The following RFC4 variants were observed in gnomAD, a reference collection of about 807,000 sequenced individuals.
The protein encoded by RFC4 is A1 37 kDa subunit.
Under a neutral mutation model 47.6 loss-of-function variants are expected in RFC4, and 38 were observed. The observed-to-expected ratio is 0.80, with a 90% CI of 0.62 to 1.05. The LOEUF (loss-of-function observed/expected upper bound fraction) is 1.05, where lower values mean the gene tolerates loss of function less well. RFC4 is among the 50% of genes least tolerant of loss of function. The probability of loss-of-function intolerance (pLI) is 0.00; values close to 1 mark genes in which losing one functional copy is unlikely to be tolerated. For synonymous variants in RFC4, 164 were observed against 150.0 expected (o/e 1.09, Z -0.68); for missense variants, 489 against 434.0 (o/e 1.13, Z -1.13).
chr3:186,793,046 A>C lies in RFC4; in HGVS notation c.411-99T>G. On this transcript the variant is annotated intron_variant, in intron 5 of 10. Coordinates refer to ENST00000296273, the MANE Select transcript of RFC4 (RefSeq NM_002916.5). The surrounding 1 kb of genome is among the most constrained non-coding windows in gnomAD (Gnocchi z 4.2). ...CGTACCATACAATTCACCCATTTAA[A>C]ATGTACAATTCAGTGTTTTTCTGTA... 1 of 981,868 alleles carries C rather than the reference A, an allele frequency of 1.0e-6. No homozygotes were observed. The highest frequency in any genetic ancestry group is 2.7e-5 in the East Asian group (1 of 37,344). The allele number at this position is 981,868 out of a possible 1,614,324, so 60.8% of individuals were successfully genotyped here. A position where few individuals can be genotyped will look rare whatever the true frequency, so the allele number is the denominator to read the frequency against.
chr3:186,801,290 AT>A, intron 2 of RFC4, 95 bp from the exon 3 acceptor site: 1 of 866,828 alleles, frequency 1.2e-6, no homozygotes, highest in South Asian at 1.4e-5. Flanking sequence ...ACCAATGACC[AT>A]TCTTAAACAT....
chr3:186,790,073 A>G lies in RFC4; in HGVS notation c.997-9T>C, dbSNP rs370277400. On this transcript the variant is annotated splice_polypyrimidine_tract_variant and intron_variant, in intron 10 of 10. Coordinates refer to ENST00000296273, the MANE Select transcript of RFC4 (RefSeq NM_002916.5). ...AGGCATTTGTCAACTTCCTACGAGA[A>G]AAATTTAAGAAATTAGCATCCTTCA... The G allele has an allele frequency of 1.1e-5, 17 of 1,611,990 alleles. No homozygotes were observed. The African/African-American group carries it at 2.3e-4, about 22-fold the overall frequency.
intron 8 of RFC4, among the ~76,000 whole-genome samples, chr3:186,790,844 A>T (rs1427651844): frequency 6.6e-6 from 1 of 152,228 alleles, no homozygotes; most frequent in African/African-American, 2.4e-5. Flanking sequence ...TATCCAGAAA[A>T]TTAAAGAGGA....
In RFC4 at chr3:186,793,706, T is replaced by C. The variant is rs1722187589; in HGVS notation, c.411-759A>G. 6.6e-6 allele frequency among the ~76,000 whole-genome samples: 1 copy of C among 152,076 alleles called. No homozygotes were observed. The highest frequency in any genetic ancestry group is 2.4e-5 in the African/African-American group (1 of 41,406). On this transcript the variant is annotated intron_variant, in intron 5 of 10. Coordinates refer to ENST00000296273, the MANE Select transcript of RFC4 (RefSeq NM_002916.5). The surrounding 1 kb of genome is among the most constrained non-coding windows in gnomAD (Gnocchi z 4.2). ...ATGTGCTTATTACACATGCACGAAATGTCTATGCAGATCCTTTGCCTTTTT... is the reference window on the plus strand; with the variant it reads ...ATGTGCTTATTACACATGCACGAAACGTCTATGCAGATCCTTTGCCTTTTT...
chr3:186,794,619 T>C (rs1472289054), intron 5 of RFC4, 39 bp downstream of exon 5: 2 of 1,589,470 alleles, frequency 1.3e-6, no homozygotes, highest in East Asian at 4.5e-5. Flanking sequence ...ATATTTAAAA[T>C]AATACATGCT....
intron 8 of RFC4, 78 bp from the exon 9 acceptor site, chr3:186,790,484 C>G: frequency 2.0e-6 from 2 of 1,004,190 alleles, no homozygotes; most frequent in Admixed American, 1.7e-5. Flanking sequence ...GCCCCCGTGC[C>G]CCCAGTCATT....
At chr3:186,802,010 C>T (rs146399493) in intron 2 of RFC4, among the ~76,000 whole-genome samples, 3 of 109,470 alleles carry the variant, frequency 2.7e-5, no homozygotes, top group Non-Finnish European at 3.6e-5. Context: ...GTCACAAGAG[C>T]GAAACTTTAT....
chr3:186,790,753 T>C (rs1722097351), intron 8 of RFC4, among the ~76,000 whole-genome samples: 1 of 152,204 alleles, frequency 6.6e-6, no homozygotes, highest in Admixed American at 6.5e-5. Context: ...AAAGACTGAT[T>C]TCTTTAAAGG....
chr3:186,794,014 G>A (rs912626312), intron 5 of RFC4, among the ~76,000 whole-genome samples: 4 of 152,140 alleles, frequency 2.6e-5, no homozygotes, highest in Admixed American at 2.0e-4. Flanking sequence ...GAACCACTGC[G>A]CCCGGCCTTT....
intron 4 of RFC4, among the ~76,000 whole-genome samples, chr3:186,795,213 C>T (rs1006843795): frequency 6.6e-6 from 1 of 152,176 alleles, no homozygotes; most frequent in Non-Finnish European, 1.5e-5. Flanking sequence ...ATTATGTGGC[C>T]AGGCTGGTCT....
chr3:186,797,679 C>A (rs1722270530), intron 3 of RFC4, 65 bp from the exon 4 acceptor site: 36 of 1,145,498 alleles, frequency 3.1e-5, no homozygotes, highest in Admixed American at 1.9e-4. Flanking sequence ...AAAGGAAGAT[C>A]GAAAAAAATG....
At chr3:186,794,942 A>C in intron 4 of RFC4, 165 bp from the exon 5 acceptor site, 3 of 685,152 alleles carry the variant, frequency 4.4e-6, no homozygotes, top group Non-Finnish European at 7.0e-6. Flanking sequence ...GCTGCAGTTA[A>C]CATTTTGGCT....
rs1369274772 is a variant in RFC4 at position 186,789,903 on chromosome 3, T to C, written c.*66A>G. 2.0e-6 allele frequency: 2 copies of C among 1,020,010 alleles called. No homozygotes were observed. Among genetic ancestry groups the C allele is most frequent in the African/African-American group, 3.2e-5 (2 of 62,274 alleles). 63.2% of individuals were successfully genotyped at this position (1,020,010 alleles called of 1,614,324 possible). A position where few individuals can be genotyped will look rare whatever the true frequency, so the allele number is the denominator to read the frequency against. ...AATTGTATATTCACTTTAAAGGTGCTTTTGGTCATTTTATTTTTATTACAA... is the reference window on the plus strand; with the variant it reads ...AATTGTATATTCACTTTAAAGGTGCCTTTGGTCATTTTATTTTTATTACAA... On this transcript the variant is annotated 3_prime_UTR_variant, in exon 11 of 11. Transcript: ENST00000296273.
At position 186,790,069 on chromosome 3, in the gene RFC4, G is replaced by T; in HGVS notation, c.997-5C>A. 1 of 1,612,428 alleles carries T rather than the reference G, an allele frequency of 6.2e-7. No homozygotes were observed. The highest frequency in any genetic ancestry group is 1.1e-5 in the South Asian group (1 of 90,964). On this transcript the variant is annotated splice_region_variant and splice_polypyrimidine_tract_variant and intron_variant, in intron 10 of 10. Coordinates refer to ENST00000296273, the MANE Select transcript of RFC4 (RefSeq NM_002916.5). ...TGCTAGGCATTTGTCAACTTCCTAC[G>T]AGAAAAATTTAAGAAATTAGCATCC...
At chr3:186,801,291 T>C (rs1389081454) in intron 2 of RFC4, 96 bp from the exon 3 acceptor site, 9 of 867,322 alleles carry the variant, frequency 1.0e-5, no homozygotes, top group Non-Finnish European at 1.3e-5. Flanking sequence ...CCAATGACCA[T>C]TCTTAAACAT....
chr3:186,797,996 G>A (rs899201853), intron 3 of RFC4, among the ~76,000 whole-genome samples: 3 of 152,124 alleles, frequency 2.0e-5, no homozygotes, highest in African/African-American at 7.2e-5. Context: ...TACACAAAAT[G>A]TCAGCTGCTT....
chr3:186,792,848 C>G lies in RFC4; in HGVS notation c.510G>C (p.Glu170Asp). ...QAALRRTMEK[E>D]SKTTRFCLIC... The stretch of plus-strand genomic sequence containing the variant: ...TAAGACAGAATCGGGTGGTTTTCGA[C>G]TCCTTCTCCATGGTACGTCTTAAAG... Residue 170 changes from glutamate to aspartate, a missense_variant, in exon 6 of 11, where the codon GAG becomes GAC. Coordinates refer to ENST00000296273, the MANE Select transcript of RFC4 (RefSeq NM_002916.5). 3.1e-6 allele frequency: 5 copies of G among 1,614,042 alleles called. No individual in the cohort carries two copies. Among genetic ancestry groups the G allele is most frequent in the Non-Finnish European group, 4.2e-6 (5 of 1,179,978 alleles).
At chr3:186,790,461 ACT>A (rs1201432256) in intron 8 of RFC4, 55 bp from the exon 9 acceptor site, 58 of 1,185,376 alleles carry the variant, frequency 4.9e-5, no homozygotes, top group Non-Finnish European at 6.4e-5. Flanking sequence ...CTAGACATAC[ACT>A]CTGCCAACTG....
In RFC4 at chr3:186,789,977, T is replaced by C; in HGVS notation, c.1084A>G (p.Asn362Asp). ...ATCCAGATATATTCACGTTAACAAT[T>C]CTGAGATAACTGCTGCATCACAGTT... ...CATVMQQLSQ[N>D]C The change falls in exon 11 of 11, where the codon AAT becomes GAT. Residue 362 changes from asparagine to aspartate, a missense_variant. Physicochemically the swap from Asn to Asp is conservative, Grantham distance 23. Coordinates refer to ENST00000296273, the MANE Select transcript of RFC4 (RefSeq NM_002916.5). 6.2e-7 allele frequency: 1 copy of C among 1,602,354 alleles called. No homozygotes were observed. Among genetic ancestry groups the C allele is most frequent in the East Asian group, 2.2e-5 (1 of 44,802 alleles).
Sources: gnomAD v4.1 joint callset for allele counts (sites outside exome capture counted in the v4.1 genomes callset) on GRCh38, gnomAD v4.1.1 for gene constraint, Gnocchi (gnomAD v3.1) non-coding constraint, MANE v1.5 for transcripts, NCBI Gene and HGNC (gene_info 2026-07-23, HGNC 2026-07-21) for gene names.